Variants in PACC1 observed in about 807,000 individuals in gnomAD.
PACC1 encodes proton-activated chloride channel.
PACC1 carries 34 observed loss-of-function variants against 39.7 expected under a neutral mutation model. The observed-to-expected ratio is 0.86, with a 90% CI of 0.65 to 1.14. The LOEUF is 1.14. PACC1 is among the 50% of genes most tolerant of loss of function. The pLI is 0.00. For missense variants in PACC1, 379 were observed against 436.4 expected (o/e 0.87, Z 1.17); for synonymous variants, 127 against 160.6 (o/e 0.79, Z 1.58).
rs555965253 is a variant in PACC1 at position 212,364,444 on chromosome 1, A to G, written c.*771T>C. 29 of 152,502 alleles carry G rather than the reference A, an allele frequency of 1.9e-4. No individual in the cohort carries two copies. Among genetic ancestry groups the G allele is most frequent in the African/African-American group, 6.0e-4 (25 of 41,578 alleles). 9.4% of individuals were successfully genotyped at this position (152,502 alleles called of 1,614,324 possible). A position where few individuals can be genotyped will look rare whatever the true frequency, so the allele number is the denominator to read the frequency against. On this transcript the variant is annotated 3_prime_UTR_variant, in exon 8 of 8. Coordinates refer to ENST00000261455, the MANE Select transcript of PACC1 (RefSeq NM_018252.3). ...CAAATGAAAGTAATTGTGCCCGATGATTGAGCAGATATTCATATTGTCACA... is the reference window on the plus strand; with the variant it reads ...CAAATGAAAGTAATTGTGCCCGATGGTTGAGCAGATATTCATATTGTCACA...
At chr1:212,370,141 C>T (rs1660391365) in intron 7 of PACC1, among the ~76,000 whole-genome samples, 1 of 152,208 alleles carries the variant, frequency 6.6e-6, no homozygotes, top group Admixed American at 6.5e-5. Flanking sequence ...AAACTATACT[C>T]TAGACCAAAT....
intron 2 of PACC1, among the ~76,000 whole-genome samples, chr1:212,391,217 C>T (rs962060989): frequency 4.6e-5 from 7 of 152,192 alleles, no homozygotes; most frequent in African/African-American, 1.7e-4. Flanking sequence ...ACATCTCACA[C>T]GGCCAGGTAC....
intron 7 of PACC1, among the ~76,000 whole-genome samples, chr1:212,374,829 A>C (rs1173845227): frequency 1.3e-5 from 2 of 152,208 alleles, no homozygotes; most frequent in Non-Finnish European, 2.9e-5. Context: ...GTGGTAACTT[A>C]ATGCTTTCTA....
At chr1:212,399,523 G>A (rs1475884121) in intron 2 of PACC1, among the ~76,000 whole-genome samples, 1 of 151,384 alleles carries the variant, frequency 6.6e-6, no homozygotes, top group South Asian at 2.1e-4. Context: ...GTGCGCTGGT[G>A]TGATCATAGC....
intron 4 of PACC1, among the ~76,000 whole-genome samples, chr1:212,381,402 T>C (rs2102488255): frequency 6.6e-6 from 1 of 152,304 alleles, no homozygotes; most frequent in African/African-American, 2.4e-5. Context: ...TATTTATTTT[T>C]CAACCTTTCT....
At chr1:212,398,818 T>C (rs1661609934) in intron 2 of PACC1, among the ~76,000 whole-genome samples, 1 of 152,228 alleles carries the variant, frequency 6.6e-6, no homozygotes, top group African/African-American at 2.4e-5. Flanking sequence ...CCGTGAGTCT[T>C]GCACTCAAAT....
At chr1:212,405,209 C>A (rs953153566) in intron 2 of PACC1, among the ~76,000 whole-genome samples, 4 of 152,132 alleles carry the variant, frequency 2.6e-5, no homozygotes, top group Non-Finnish European at 5.9e-5. Context: ...CCACTGCTCT[C>A]CCCCAGAGGA....
At chr1:212,408,651 C>T (rs781311291) in intron 2 of PACC1, among the ~76,000 whole-genome samples, 11 of 152,208 alleles carry the variant, frequency 7.2e-5, no homozygotes, top group African/African-American at 1.2e-4. Flanking sequence ...CATGAGCCAC[C>T]GTGCCCGGTC....
At chr1:212,377,463 G>T in intron 6 of PACC1, 99 bp downstream of exon 6, 1 of 1,521,598 alleles carries the variant, frequency 6.6e-7, no homozygotes. Context: ...CACCCTTAAG[G>T]CCCTGCTCAA....
intron 2 of PACC1, among the ~76,000 whole-genome samples, chr1:212,397,889 T>C (rs1050685025): frequency 6.6e-6 from 1 of 152,242 alleles, no homozygotes; most frequent in East Asian, 1.9e-4. Context: ...GTGCAGTGGT[T>C]ACGAGCATGA....
At chr1:212,402,503 CTGAGT>C (rs1181544179) in intron 2 of PACC1, among the ~76,000 whole-genome samples, 3 of 152,118 alleles carry the variant, frequency 2.0e-5, no homozygotes, top group Non-Finnish European at 4.4e-5. Context: ...CATTTTTAAA[CTGAGT>C]TATTTGTCTT....
chr1:212,412,914 G>C (rs951426867), intron 1 of PACC1, among the ~76,000 whole-genome samples: 4 of 152,194 alleles, frequency 2.6e-5, no homozygotes, highest in African/African-American at 7.2e-5. Flanking sequence ...CTGGGAGGTA[G>C]GGACTTTTAT....
intron 7 of PACC1, among the ~76,000 whole-genome samples, chr1:212,369,554 G>A (rs981248335): frequency 6.6e-6 from 1 of 152,174 alleles, no homozygotes; most frequent in African/African-American, 2.4e-5. Flanking sequence ...GCCAAGGTGG[G>A]CAGATTGCTT....
intron 2 of PACC1, among the ~76,000 whole-genome samples, chr1:212,396,995 A>G (rs1336972926): frequency 2.0e-5 from 3 of 152,150 alleles, no homozygotes; most frequent in African/African-American, 7.2e-5. Flanking sequence ...AAACTTCAAA[A>G]ATGAAGATGA....
At position 212,365,092 on chromosome 1, in the gene PACC1, TTCC is replaced by T. The variant is rs1660182047; in HGVS notation, c.*120_*122del. 7.0e-6 allele frequency: 7 copies of T among 995,466 alleles called. No individual in the cohort carries two copies. The Admixed American group carries it at 1.1e-4, about 15-fold the overall frequency. The allele number at this position is 995,466 out of a possible 1,614,324, so 61.7% of individuals were successfully genotyped here. A position where few individuals can be genotyped will look rare whatever the true frequency, so the allele number is the denominator to read the frequency against. The stretch of plus-strand genomic sequence containing the variant: ...TTAGAAGTTCCAGTTTTACATGCTG[TTCC>T]TCCCAGCAAGGCCCCATTTCTTCAA... On this transcript the variant is annotated 3_prime_UTR_variant, in exon 8 of 8. Transcript: ENST00000261455.
At chr1:212,382,636 C>A (rs1053153887) in intron 4 of PACC1, among the ~76,000 whole-genome samples, 1 of 152,180 alleles carries the variant, frequency 6.6e-6, no homozygotes, top group Non-Finnish European at 1.5e-5. Context: ...CAGCCAGAAG[C>A]CTACACATTT....
At chr1:212,389,581 T>G (rs1043150935) in intron 2 of PACC1, among the ~76,000 whole-genome samples, 2 of 151,878 alleles carry the variant, frequency 1.3e-5, no homozygotes, top group African/African-American at 4.8e-5. Context: ...AAAAAAGCAA[T>G]CTATAGAAAC....
intron 2 of PACC1, among the ~76,000 whole-genome samples, chr1:212,406,320 C>T (rs1450193659): frequency 6.6e-6 from 1 of 152,016 alleles, no homozygotes. Context: ...AGTTCAAGAC[C>T]AGCCTGGCCA....
chr1:212,405,452 G>C (rs997187832), intron 2 of PACC1, among the ~76,000 whole-genome samples: 3 of 152,234 alleles, frequency 2.0e-5, no homozygotes, highest in African/African-American at 2.4e-5. Context: ...ATATCACAGG[G>C]AGAAAGGGAC....
Sources: allele counts gnomAD v4.1 joint callset (sites outside exome capture counted in the v4.1 genomes callset), GRCh38; gene constraint gnomAD v4.1.1; transcripts MANE v1.5; gene names NCBI Gene and HGNC (gene_info 2026-07-23, HGNC 2026-07-21).